CACNA2D3: variants seen among roughly 807,000 people sequenced by gnomAD.
CACNA2D3 encodes voltage-dependent calcium channel subunit alpha-2/delta-3.
In CACNA2D3, 60 loss-of-function variants were observed where a neutral mutation model predicts 160.6. The observed-to-expected ratio is 0.37, with a 90% CI of 0.30 to 0.46. The LOEUF (loss-of-function observed/expected upper bound fraction) is 0.46. Among genes scored for constraint, CACNA2D3 ranks in the 20% least tolerant of loss-of-function variants. The pLI is 1.00. For missense variants in CACNA2D3, 1,205 were observed against 1,365.0 expected (o/e 0.88, Z 1.85); for synonymous variants, 558 against 492.9 (o/e 1.13, Z -1.75).
chr3:54,510,345 AT>A (rs1701440448), intron 5 of CACNA2D3, among the ~76,000 whole-genome samples: 1 of 152,138 alleles, frequency 6.6e-6, no homozygotes, highest in East Asian at 1.9e-4. Context: ...GCATTATCTC[AT>A]TGACAATGAC....
rs779362170 is a variant in CACNA2D3, at chr3:55,018,329, C to T, written c.2987+12C>T. On this transcript the variant is annotated intron_variant, in intron 35 of 37. Coordinates refer to ENST00000474759, the MANE Select transcript of CACNA2D3 (RefSeq NM_018398.3). ...GAAGACTGCTCCAAGTAAGCCATCC[C>T]CCCACCCTCTAACCCCCTACACCTT... 2.0e-6 allele frequency: 3 copies of T among 1,525,550 alleles called. No homozygotes were observed. The highest frequency in any genetic ancestry group is 2.7e-6 in the Non-Finnish European group (3 of 1,101,246). The allele number at this position is 1,525,550 out of a possible 1,614,324, so 94.5% of individuals were successfully genotyped here. A position where few individuals can be genotyped will look rare whatever the true frequency, so the allele number is the denominator to read the frequency against.
intron 2 of CACNA2D3, among the ~76,000 whole-genome samples, chr3:54,288,809 C>T (rs1272867950): frequency 6.6e-6 from 1 of 152,166 alleles, no homozygotes; most frequent in East Asian, 1.9e-4. Flanking sequence ...TAAACAGAAC[C>T]AAAGACAAAA....
chr3:54,213,800 C>G (rs1701418454), intron 2 of CACNA2D3, among the ~76,000 whole-genome samples: 1 of 152,172 alleles, frequency 6.6e-6, no homozygotes, highest in African/African-American at 2.4e-5. Flanking sequence ...AAAAATGAAT[C>G]AAATGAGGGA....
chr3:54,715,437 T>G lies in CACNA2D3; in HGVS notation c.1168-37162T>G, dbSNP rs150461133. The stretch of plus-strand genomic sequence containing the variant: ...GAACTCAGTATTTTTGAGACTGAGT[T>G]TTTTATGAAGGATTCATTATGTCCA... On this transcript the variant is annotated intron_variant, in intron 11 of 37. Coordinates refer to ENST00000474759, the MANE Select transcript of CACNA2D3 (RefSeq NM_018398.3). Among the ~76,000 whole-genome samples, 105 of 152,164 alleles carry G rather than the reference T, an allele frequency of 6.9e-4. 1 individual carries two copies. The East Asian group carries it at 0.016, about 24-fold the overall frequency.
At chr3:54,714,998 G>A (rs1378360728) in intron 11 of CACNA2D3, among the ~76,000 whole-genome samples, 1 of 152,182 alleles carries the variant, frequency 6.6e-6, no homozygotes, top group Non-Finnish European at 1.5e-5. Context: ...AGATTCTCCA[G>A]TAGATACGAT....
chr3:54,899,406 A>T (rs1247658295), intron 26 of CACNA2D3, among the ~76,000 whole-genome samples: 1 of 152,224 alleles, frequency 6.6e-6, no homozygotes, highest in Non-Finnish European at 1.5e-5. Flanking sequence ...GCCCTCATAC[A>T]GCTCTTCATG....
intron 5 of CACNA2D3, among the ~76,000 whole-genome samples, chr3:54,522,911 T>A (rs986502639): frequency 1.7e-4 from 14 of 82,928 alleles, no homozygotes; most frequent in Admixed American, 1.5e-3. Flanking sequence ...AAGCACCATT[T>A]ATTTATTTAT....
intron 3 of CACNA2D3, among the ~76,000 whole-genome samples, chr3:54,333,560 A>G (rs1188006703): frequency 1.3e-5 from 2 of 151,580 alleles, no homozygotes; most frequent in Admixed American, 6.6e-5. Flanking sequence ...CTTCCAGCCA[A>G]ATGCGCTCTG....
intron 14 of CACNA2D3, among the ~76,000 whole-genome samples, chr3:54,822,224 A>G (rs1459006431): frequency 6.6e-6 from 1 of 152,222 alleles, no homozygotes. Flanking sequence ...CACAGTCTGA[A>G]AAATGATAGC....
chr3:54,309,501 C>T (rs1369091283), intron 2 of CACNA2D3, among the ~76,000 whole-genome samples: 3 of 152,012 alleles, frequency 2.0e-5, no homozygotes, highest in African/African-American at 7.2e-5. Flanking sequence ...CAGAACCTGA[C>T]AATCTGGAAG....
intron 35 of CACNA2D3, among the ~76,000 whole-genome samples, chr3:55,022,293 T>C (rs1279509460): frequency 6.6e-6 from 1 of 152,138 alleles, no homozygotes; most frequent in African/African-American, 2.4e-5. Context: ...TAGCTCTATT[T>C]TGGTAATACT....
At chr3:54,912,200 AAG>A (rs1700570487) in intron 27 of CACNA2D3, among the ~76,000 whole-genome samples, 1 of 152,206 alleles carries the variant, frequency 6.6e-6, no homozygotes, top group South Asian at 2.1e-4. Flanking sequence ...TAGGACAAGC[AAG>A]AGAGAGTGAG....
At chr3:54,859,221 C>CA (rs1177359431) in intron 17 of CACNA2D3, among the ~76,000 whole-genome samples, 1 of 152,098 alleles carries the variant, frequency 6.6e-6, no homozygotes, top group East Asian at 1.9e-4. Context: ...TGATAAGACC[C>CA]AAAGAATGCA....
chr3:55,044,192 T>G (rs1031982318), intron 35 of CACNA2D3, among the ~76,000 whole-genome samples: 2 of 152,204 alleles, frequency 1.3e-5, no homozygotes, highest in Non-Finnish European at 2.9e-5. Context: ...ATAGCTCAGC[T>G]GGGGAGCCCT....
chr3:54,154,713 A>G (rs1004268463), intron 2 of CACNA2D3, among the ~76,000 whole-genome samples: 1 of 152,108 alleles, frequency 6.6e-6, no homozygotes, highest in Non-Finnish European at 1.5e-5. Flanking sequence ...GTTTTGTCCA[A>G]CCAGATTGTG....
intron 4 of CACNA2D3, among the ~76,000 whole-genome samples, chr3:54,487,484 C>T (rs1467123425): frequency 6.6e-6 from 1 of 152,216 alleles, no homozygotes; most frequent in Non-Finnish European, 1.5e-5. Context: ...GAGACTTCTG[C>T]TCTTGGATCC....
chr3:54,740,978 G>T (rs1275179275), intron 11 of CACNA2D3, among the ~76,000 whole-genome samples: 1 of 152,142 alleles, frequency 6.6e-6, no homozygotes, highest in Non-Finnish European at 1.5e-5. Context: ...AGAGGCATGC[G>T]GCTTCTTACT....
chr3:54,316,550 G>A (rs971690236), intron 2 of CACNA2D3, among the ~76,000 whole-genome samples: 8 of 152,166 alleles, frequency 5.3e-5, no homozygotes, highest in African/African-American at 1.9e-4. Flanking sequence ...AACACCTGTG[G>A]GTATGTGGTC....
chr3:54,210,196 C>T (rs1701347730), intron 2 of CACNA2D3, among the ~76,000 whole-genome samples: 1 of 152,132 alleles, frequency 6.6e-6, no homozygotes, highest in Non-Finnish European at 1.5e-5. Flanking sequence ...TGTATGAGCC[C>T]AGAGGTGGCA....
Sources: allele counts gnomAD v4.1 joint callset (sites outside exome capture counted in the v4.1 genomes callset), GRCh38; gene constraint gnomAD v4.1.1; transcripts MANE v1.5; gene names NCBI Gene and HGNC (gene_info 2026-07-23, HGNC 2026-07-21).